Variants in EEFSEC observed in about 807,000 individuals in gnomAD.
EEFSEC encodes the protein selenocysteine-specific elongation factor.
In EEFSEC, 43 loss-of-function variants were observed where a neutral mutation model predicts 42.1. The ratio of observed to expected loss-of-function variants is 1.02; its 90% confidence interval spans 0.80 to 1.32. The LOEUF is 1.32. EEFSEC is among the 40% of genes most tolerant of loss of function. The pLI is 0.00. For synonymous variants in EEFSEC, 354 were observed against 339.1 expected (o/e 1.04, Z -0.48); for missense variants, 745 against 803.6 (o/e 0.93, Z 0.88).
chr3:128,258,111 A>G (rs543223829), intron 2 of EEFSEC, among the ~76,000 whole-genome samples: 1 of 152,362 alleles, frequency 6.6e-6, no homozygotes, highest in East Asian at 1.9e-4. Flanking sequence ...GCTTGTGAAG[A>G]GGATGTGGGA....
chr3:128,293,742 C>G (rs998447153), intron 4 of EEFSEC, among the ~76,000 whole-genome samples: 3 of 151,394 alleles, frequency 2.0e-5, no homozygotes, highest in Non-Finnish European at 4.4e-5. Flanking sequence ...AAAGTGCTGC[C>G]TTAGAATGCC....
chr3:128,200,705 T>A (rs2065634822), intron 1 of EEFSEC, among the ~76,000 whole-genome samples: 1 of 152,230 alleles, frequency 6.6e-6, no homozygotes, highest in African/African-American at 2.4e-5. Context: ...AGTATGGAAT[T>A]GGGCAAAAAT....
chr3:128,392,358 G>A (rs1702134), intron 6 of EEFSEC, among the ~76,000 whole-genome samples: 49 of 152,274 alleles, frequency 3.2e-4, no homozygotes, highest in African/African-American at 1.0e-3. Context: ...GTTCCTCACC[G>A]GGGAGCAGGG....
chr3:128,387,084 G>A (rs889673591), intron 6 of EEFSEC, among the ~76,000 whole-genome samples: 5 of 152,214 alleles, frequency 3.3e-5, no homozygotes, highest in East Asian at 1.9e-4. Flanking sequence ...GCCTGGTGGC[G>A]CGTGGGCAGC....
rs146856302 is a variant in EEFSEC, at chr3:128,274,512, C to A, written c.786+9731C>A. ...GGGAGTGTGGCTGGCCTCTGGACATCCCCTGTAGAAGCCACATGTTGAGGG... is the reference window on the plus strand; with the variant it reads ...GGGAGTGTGGCTGGCCTCTGGACATACCCTGTAGAAGCCACATGTTGAGGG... On this transcript the variant is annotated intron_variant, in intron 4 of 6. Coordinates refer to ENST00000254730, the MANE Select transcript of EEFSEC (RefSeq NM_021937.5). Among the ~76,000 whole-genome samples, 42 of 152,296 alleles carry A rather than the reference C, an allele frequency of 2.8e-4. 1 individual carries two copies. The East Asian group carries it at 8.1e-3, about 29-fold the overall frequency.
intron 1 of EEFSEC, among the ~76,000 whole-genome samples, chr3:128,219,089 C>T (rs895726405): frequency 5.9e-5 from 9 of 152,206 alleles, no homozygotes; most frequent in Non-Finnish European, 1.2e-4. Flanking sequence ...TGCTGGATGC[C>T]TCTGCTCGGA....
At chr3:128,250,880 T>A (rs183736252) in intron 2 of EEFSEC, among the ~76,000 whole-genome samples, 248 of 151,722 alleles carry the variant, frequency 1.6e-3, no homozygotes, top group African/African-American at 5.5e-3. Context: ...ATAGGATATG[T>A]TTTTGTTTAA....
chr3:128,417,436 A>T, the EEFSEC span, among the ~76,000 whole-genome samples: 7 of 151,368 alleles, frequency 4.6e-5, no homozygotes, highest in African/African-American at 1.7e-4. This position sits in a 1 kb window ranked among gnomAD's most constrained non-coding sequence, Gnocchi z 4.3. Flanking sequence ...CTCCCCACCC[A>T]TTCTTCATTG....
At chr3:128,227,197 A>G (rs974114941) in intron 1 of EEFSEC, among the ~76,000 whole-genome samples, 1 of 152,230 alleles carries the variant, frequency 6.6e-6, no homozygotes, top group Non-Finnish European at 1.5e-5. Flanking sequence ...GAATTCATTT[A>G]CATTGCTTGC....
chr3:128,165,701 C>T (rs1392451638), intron 1 of EEFSEC, among the ~76,000 whole-genome samples: 1 of 152,226 alleles, frequency 6.6e-6, no homozygotes, highest in Non-Finnish European at 1.5e-5. Context: ...GTGCCATGCA[C>T]AGGTGCTGCT....
chr3:128,247,572 A>T (rs1022589009), intron 2 of EEFSEC, among the ~76,000 whole-genome samples: 1 of 152,224 alleles, frequency 6.6e-6, no homozygotes. Flanking sequence ...AGACCGACAG[A>T]TGGTTGTTGC....
At chr3:128,223,454 G>T (rs1036341816) in intron 1 of EEFSEC, among the ~76,000 whole-genome samples, 24 of 152,306 alleles carry the variant, frequency 1.6e-4, no homozygotes, top group African/African-American at 5.8e-4. Context: ...GTAGCTGGTA[G>T]CTGAAGTGAA....
intron 1 of EEFSEC, among the ~76,000 whole-genome samples, chr3:128,179,266 G>C (rs1389268748): frequency 1.3e-5 from 2 of 152,174 alleles, no homozygotes; most frequent in Non-Finnish European, 2.9e-5. Context: ...TGGCTGCATA[G>C]GGGAGGAAGG....
chr3:128,345,998 A>G (rs2067308163), intron 5 of EEFSEC, among the ~76,000 whole-genome samples: 1 of 152,252 alleles, frequency 6.6e-6, no homozygotes, highest in Middle Eastern at 3.2e-3. Flanking sequence ...TAGAAAGAAA[A>G]TAACAGCGTG....
chr3:128,169,164 T>A (rs2065269954), intron 1 of EEFSEC, among the ~76,000 whole-genome samples: 1 of 152,196 alleles, frequency 6.6e-6, no homozygotes, highest in African/African-American at 2.4e-5. Flanking sequence ...ATGTGGGGCA[T>A]CTACTTTAGT....
intron 5 of EEFSEC, among the ~76,000 whole-genome samples, chr3:128,348,909 T>C (rs1183259368): frequency 6.6e-6 from 1 of 152,184 alleles, no homozygotes; most frequent in Non-Finnish European, 1.5e-5. Context: ...CAGAGACTCA[T>C]GCCTGCATCA....
intron 6 of EEFSEC, among the ~76,000 whole-genome samples, chr3:128,377,257 CT>C (rs60299968): frequency 0.02 from 2,967 of 150,290 alleles, 96 homozygotes; most frequent in African/African-American, 0.064. Context: ...ATTATACAAA[CT>C]TTTTTTTTTC....
intron 4 of EEFSEC, among the ~76,000 whole-genome samples, chr3:128,307,835 G>A (rs571106493): frequency 6.3e-4 from 96 of 152,334 alleles, no homozygotes; most frequent in Admixed American, 1.2e-3. Context: ...GATGCTGACT[G>A]TGGAGTTGGC....
intron 1 of EEFSEC, among the ~76,000 whole-genome samples, chr3:128,170,499 T>G (rs2065284782): frequency 1.4e-5 from 2 of 140,294 alleles, no homozygotes; most frequent in Non-Finnish European, 3.1e-5. Context: ...AGACCACGTC[T>G]AAAAAAAAAA....
Sources: gnomAD v4.1 joint callset for allele counts (sites outside exome capture counted in the v4.1 genomes callset) on GRCh38, gnomAD v4.1.1 for gene constraint, Gnocchi (gnomAD v3.1) non-coding constraint, MANE v1.5 for transcripts, NCBI Gene and HGNC (gene_info 2026-07-23, HGNC 2026-07-21) for gene names.